The following PREX1 variants were observed in gnomAD, a reference collection of about 807,000 sequenced individuals.
PREX1 encodes phosphatidylinositol-3,4,5-trisphosphate dependent Rac exchange factor 1.
A neutral mutation model predicts 198.3 loss-of-function variants in PREX1; 41 were observed. That is an observed-to-expected ratio of 0.21 (90% confidence interval 0.16 to 0.27). PREX1 has a LOEUF of 0.27. Ranked by LOEUF, PREX1 falls within the 10% of genes least tolerant of loss-of-function variation. The pLI, the probability that PREX1 is intolerant of heterozygous loss-of-function variation, is 1.00. For missense variants in PREX1, 1,620 were observed against 2,200.7 expected, an observed-to-expected ratio of 0.74 and a Z score of 5.28; for synonymous variants, 843 against 887.2, an observed-to-expected ratio of 0.95 and a Z score of 0.89.
At chr20:48,791,562 T>A (rs555277465) in intron 1 of PREX1, among the ~76,000 whole-genome samples, 1 of 152,124 alleles carries the variant, frequency 6.6e-6, no homozygotes, top group South Asian at 2.1e-4. Context: ...CCAGCTGCCA[T>A]GGGGGTCCTC....
Position 48,653,413 on chromosome 20 carries a change from G to C in PREX1, c.2294C>G (p.Pro765Arg). The C allele has an allele frequency of 6.2e-7, 1 of 1,613,956 alleles. No homozygotes were observed. Among genetic ancestry groups the C allele is most frequent in the Non-Finnish European group, 8.5e-7 (1 of 1,180,012 alleles). ...TGCCTGGAAGTGCTCCAGGACCTCA[G>C]GGGCACCATCGTTCATCACGTTGCT... is the stretch of plus-strand genomic sequence containing the variant. The part of the protein sequence containing the change: ...NGSNVMNDGA[P>R]EVLEHFQAFR... Residue 765 changes from proline (P) to arginine (R), a missense_variant, in exon 20 of 40, where the codon CCT becomes CGT. Around this residue, in one of 7 missense-constraint regions of PREX1, gnomAD observed 514 missense variants for 611.6 expected, o/e 0.84. Transcript: ENST00000371941.
At position 48,649,583 on chromosome 20, in the gene PREX1, T is replaced by C; in HGVS notation, c.3029-7A>G. The C allele has an allele frequency of 2.5e-6, 4 of 1,576,754 alleles. No homozygotes were observed. Among genetic ancestry groups the C allele is most frequent in the Non-Finnish European group, 3.4e-6 (4 of 1,159,536 alleles). On this transcript the variant is annotated splice_region_variant and splice_polypyrimidine_tract_variant and intron_variant, in intron 24 of 39. Transcript: ENST00000371941. ...GACATGGGGTTCAGGTGGCCTGCAG[T>C]GGAGGAAGAGAGAGCTCACTGGAAA...
intron 1 of PREX1, among the ~76,000 whole-genome samples, chr20:48,806,692 C>T (rs965213181): frequency 1.3e-5 from 2 of 152,182 alleles, no homozygotes; most frequent in African/African-American, 4.8e-5. Context: ...AACATACCAG[C>T]GCCTCTCAGA....
chr20:48,852,049 T>A, the PREX1 span, among the ~76,000 whole-genome samples: 1 of 146,160 alleles, frequency 6.8e-6, no homozygotes, highest in African/African-American at 2.5e-5. Flanking sequence ...TCTGCACCTA[T>A]TTTTTTTTTT....
At chr20:48,821,815 C>T (rs1014646242) in intron 1 of PREX1, 1 of 152,198 alleles carries the variant, frequency 6.6e-6, no homozygotes, top group East Asian at 1.9e-4. Flanking sequence ...GCCAGAGACA[C>T]CAACCCCATT....
chr20:48,637,090 T>G (rs531633379), intron 31 of PREX1, among the ~76,000 whole-genome samples: 1 of 152,256 alleles, frequency 6.6e-6, no homozygotes, highest in Admixed American at 6.5e-5. Context: ...GAAATGCAGT[T>G]TAGCATTTTC....
intron 16 of PREX1, among the ~76,000 whole-genome samples, chr20:48,658,615 C>A (rs532499716): frequency 6.6e-6 from 1 of 152,212 alleles, no homozygotes; most frequent in African/African-American, 2.4e-5. Context: ...GCCCATCACA[C>A]GGGCCAGGCA....
intron 2 of PREX1, among the ~76,000 whole-genome samples, chr20:48,746,910 T>C (rs910483077): frequency 2.3e-4 from 34 of 150,214 alleles, no homozygotes; most frequent in African/African-American, 8.1e-4. Context: ...AATAAATGAA[T>C]GCAGGCATAG....
At chr20:48,831,072 A>G (rs868339090), upstream of PREX1, among the ~76,000 whole-genome samples, 1 of 152,156 alleles carries the variant, frequency 6.6e-6, no homozygotes, top group African/African-American at 2.4e-5. Context: ...TGACCCTCCT[A>G]TCCTCAGCAT....
intron 14 of PREX1, among the ~76,000 whole-genome samples, chr20:48,671,718 T>C (rs2084538050): frequency 6.6e-6 from 1 of 152,172 alleles, no homozygotes; most frequent in Admixed American, 6.5e-5. Context: ...GGTCACATCC[T>C]TGTCACAGAT....
chr20:48,710,261 C>T (rs761579652), intron 5 of PREX1, among the ~76,000 whole-genome samples: 16 of 152,196 alleles, frequency 1.1e-4, no homozygotes, highest in African/African-American at 2.2e-4. Flanking sequence ...GAGTGTATTT[C>T]GACTCATTCT....
rs541267574 is a variant in PREX1 at position 48,684,017 on chromosome 20, T to C, written c.1335-2682A>G. On this transcript the variant is annotated intron_variant, in intron 10 of 39. Coordinates refer to ENST00000371941, the MANE Select transcript of PREX1 (RefSeq NM_020820.4). The surrounding 1 kb of genome is among the most constrained non-coding windows in gnomAD (Gnocchi z 4.2). ...CAGAAAGACACAGCTCAGGACAGTG[T>C]GAGGAGAGCTGGAGATACAAGGAGA... 1.3e-5 allele frequency among the ~76,000 whole-genome samples: 2 copies of C among 152,048 alleles called. No homozygotes were observed. The highest frequency in any genetic ancestry group is 3.9e-4 in the East Asian group (2 of 5,146).
intron 14 of PREX1, among the ~76,000 whole-genome samples, chr20:48,669,471 C>T (rs1168351809): frequency 6.6e-6 from 1 of 152,154 alleles, no homozygotes; most frequent in Non-Finnish European, 1.5e-5. Flanking sequence ...TCCATGCGGG[C>T]AGGGACACTG....
the PREX1 span, among the ~76,000 whole-genome samples, chr20:48,857,730 G>A: frequency 6.0e-5 from 9 of 151,166 alleles, no homozygotes; most frequent in South Asian, 2.1e-4. Context: ...CTGTGATTTC[G>A]CCACTGCACT....
At chr20:48,654,266 G>A (rs764830972) in intron 19 of PREX1, among the ~76,000 whole-genome samples, 1 of 152,258 alleles carries the variant, frequency 6.6e-6, no homozygotes, top group African/African-American at 2.4e-5. Flanking sequence ...TTAGCATCGT[G>A]CCTGGCACTC....
At chr20:48,737,428 T>A (rs562656954) in intron 3 of PREX1, among the ~76,000 whole-genome samples, 41 of 152,102 alleles carry the variant, frequency 2.7e-4, no homozygotes, top group Non-Finnish European at 4.4e-4. Context: ...GGACGGCGTT[T>A]TCATCTGTTG....
At chr20:48,828,141 C>T (rs2090519954), upstream of PREX1, among the ~76,000 whole-genome samples, 1 of 150,024 alleles carries the variant, frequency 6.7e-6, no homozygotes, top group South Asian at 2.1e-4. Context: ...ACGCCGCGCT[C>T]GGCCGCAGAG....
At chr20:48,645,813 T>C in intron 26 of PREX1, 38 bp downstream of exon 26, 1 of 1,606,058 alleles carries the variant, frequency 6.2e-7, no homozygotes. Context: ...TCCAGGGCCA[T>C]CCTCATCTAA....
intron 1 of PREX1, among the ~76,000 whole-genome samples, chr20:48,758,450 G>T (rs1055896447): frequency 2.6e-5 from 4 of 152,174 alleles, no homozygotes. Flanking sequence ...AAAGAAAGAG[G>T]GTGTAGGGCC....
Sources: allele counts gnomAD v4.1 joint callset (sites outside exome capture counted in the v4.1 genomes callset), GRCh38; gene constraint gnomAD v4.1.1; regional missense constraint gnomAD v4.1.1; non-coding constraint Gnocchi (gnomAD v3.1); transcripts MANE v1.5; gene names NCBI Gene and HGNC (gene_info 2026-07-23, HGNC 2026-07-21).